Variants in GAB2 observed in about 807,000 individuals in gnomAD.
GAB2 encodes GRB2-associated-binding protein 2.
GAB2 carries 26 observed loss-of-function variants against 65.5 expected under a neutral mutation model. The ratio of observed to expected loss-of-function variants is 0.40; its 90% confidence interval spans 0.29 to 0.55. GAB2 has a LOEUF of 0.55. Among genes scored for constraint, GAB2 ranks in the 20% least tolerant of loss-of-function variants. The pLI, the probability that GAB2 is intolerant of heterozygous loss-of-function variation, is 0.53. For missense variants in GAB2, 884 were observed against 875.8 expected (o/e 1.01, Z -0.12); for synonymous variants, 321 against 329.6 (o/e 0.97, Z 0.28).
intron 1 of GAB2, among the ~76,000 whole-genome samples, chr11:78,368,803 A>T (rs963436214): frequency 2.0e-5 from 3 of 152,058 alleles, no homozygotes; most frequent in Non-Finnish European, 4.4e-5. Flanking sequence ...AAGTCCAGGC[A>T]TGGCGGCTCA....
intron 1 of GAB2, among the ~76,000 whole-genome samples, chr11:78,357,435 G>T (rs1467399078): frequency 1.3e-5 from 2 of 152,148 alleles, no homozygotes; most frequent in African/African-American, 4.8e-5. Flanking sequence ...AAACTAAAGA[G>T]CTTCTGTACA....
intron 1 of GAB2, among the ~76,000 whole-genome samples, chr11:78,345,574 G>C (rs1414414295): frequency 1.3e-5 from 2 of 152,188 alleles, no homozygotes; most frequent in African/African-American, 4.8e-5. Context: ...AAGGCTACCT[G>C]AATAATTTAG....
intron 1 of GAB2, among the ~76,000 whole-genome samples, chr11:78,408,110 G>A (rs1486134115): frequency 2.0e-5 from 3 of 152,094 alleles, no homozygotes; most frequent in Non-Finnish European, 4.4e-5. Flanking sequence ...AAAGAAGAAA[G>A]CACATAGTAA....
intron 1 of GAB2, among the ~76,000 whole-genome samples, chr11:78,401,740 T>C (rs1249594003): frequency 6.6e-6 from 1 of 152,194 alleles, no homozygotes; most frequent in African/African-American, 2.4e-5. Flanking sequence ...ATATCACATT[T>C]TGTTTATTCA....
At chr11:78,255,831 T>G (rs1161891841) in intron 2 of GAB2, among the ~76,000 whole-genome samples, 1 of 152,218 alleles carries the variant, frequency 6.6e-6, no homozygotes, top group Admixed American at 6.5e-5. Context: ...TAATTAAAGT[T>G]TTCAAATATA....
In GAB2 at chr11:78,360,638, G is replaced by T. The variant is rs187691353; in HGVS notation, c.75+57008C>A. 1.9e-4 allele frequency among the ~76,000 whole-genome samples: 29 copies of T among 151,984 alleles called. No homozygotes were observed. The East Asian group carries it at 5.6e-3, about 29-fold the overall frequency. On this transcript the variant is annotated intron_variant, in intron 1 of 9. Transcript: ENST00000361507. ...TTTGGGAGGCTGAGGCAGGTGGATC[G>T]CCTGAGGTCAGGAGTTTGAGACCAG... is the stretch of plus-strand genomic sequence containing the variant.
chr11:78,342,404 CTTTTTT>C (rs143105179), intron 1 of GAB2, among the ~76,000 whole-genome samples: 3 of 109,878 alleles, frequency 2.7e-5, no homozygotes, highest in African/African-American at 3.7e-5. Context: ...ACACTTTGCA[CTTTTTT>C]TTTTTTTTTT....
chr11:78,282,604 C>G (rs1050887918), intron 1 of GAB2, among the ~76,000 whole-genome samples: 2 of 152,066 alleles, frequency 1.3e-5, no homozygotes, highest in Non-Finnish European at 2.9e-5. Context: ...CCACTGTGTA[C>G]GCCCGGCACT....
intron 1 of GAB2, among the ~76,000 whole-genome samples, chr11:78,331,726 A>G (rs1326189896): frequency 4.0e-5 from 6 of 151,838 alleles, no homozygotes; most frequent in Non-Finnish European, 8.8e-5. Context: ...GGGCCTAGAA[A>G]GGGATTACAG....
intron 8 of GAB2, among the ~76,000 whole-genome samples, chr11:78,220,886 A>G (rs906743707): frequency 6.6e-6 from 1 of 152,134 alleles, no homozygotes; most frequent in Non-Finnish European, 1.5e-5. Flanking sequence ...TATGCACTGG[A>G]AAGTTTTCTT....
rs146485168 is a variant in GAB2 at position 78,342,074 on chromosome 11, C to T, written c.76-61173G>A. 3.6e-3 allele frequency among the ~76,000 whole-genome samples: 547 copies of T among 152,312 alleles called. 4 individuals carry two copies. The highest frequency in any genetic ancestry group is 0.012 in the African/African-American group (493 of 41,560). ...TTTATCTCCACCTCCCCTATTGATGCACAGCAGAAATAAATATAAGGATCA... is the reference window on the plus strand; with the variant it reads ...TTTATCTCCACCTCCCCTATTGATGTACAGCAGAAATAAATATAAGGATCA... On this transcript the variant is annotated intron_variant, in intron 1 of 9. Coordinates refer to ENST00000361507, the MANE Select transcript of GAB2 (RefSeq NM_080491.3).
chr11:78,317,601 TTTATG>T (rs1855636584), intron 1 of GAB2, among the ~76,000 whole-genome samples: 5 of 149,994 alleles, frequency 3.3e-5, no homozygotes, highest in Admixed American at 2.7e-4. Flanking sequence ...GATGGTAAAC[TTTATG>T]TTATGTGTAT....
intron 1 of GAB2, among the ~76,000 whole-genome samples, chr11:78,405,757 A>C (rs1857035534): frequency 6.6e-6 from 1 of 152,290 alleles, no homozygotes; most frequent in East Asian, 1.9e-4. Context: ...CACAGTGATA[A>C]ATTCCATGAG....
At chr11:78,288,396 A>AAAAAAAAG (rs1554983795) in intron 1 of GAB2, among the ~76,000 whole-genome samples, 1 of 149,780 alleles carries the variant, frequency 6.7e-6, no homozygotes, top group African/African-American at 2.5e-5. Flanking sequence ...AAAAAAAAAA[A>AAAAAAAAG]AAGAAGAAGA....
chr11:78,271,853 C>T (rs1356010202), intron 2 of GAB2, among the ~76,000 whole-genome samples: 1 of 152,166 alleles, frequency 6.6e-6, no homozygotes, highest in African/African-American at 2.4e-5. Context: ...TGAATTCCCA[C>T]GTGTTGTGGG....
chr11:78,250,835 T>C (rs965806336), intron 2 of GAB2, among the ~76,000 whole-genome samples: 2 of 152,124 alleles, frequency 1.3e-5, no homozygotes, highest in Non-Finnish European at 2.9e-5. Context: ...TTATCCCAAG[T>C]GAATTAATGC....
intron 1 of GAB2, among the ~76,000 whole-genome samples, chr11:78,297,012 C>A (rs2134617389): frequency 6.6e-6 from 1 of 152,314 alleles, no homozygotes; most frequent in Middle Eastern, 3.4e-3. Flanking sequence ...GCCCCACCTC[C>A]TAATACCAAC....
chr11:78,238,379 TCAGCTACTTGGGAGGCTGAGGG>T, intron 3 of GAB2, among the ~76,000 whole-genome samples: 1 of 151,624 alleles, frequency 6.6e-6, no homozygotes, highest in East Asian at 1.9e-4. Context: ...GCCTGTAGTC[TCAGCTACTTGGGAGGCTGAGGG>T]CAGGAGGATC....
intron 1 of GAB2, among the ~76,000 whole-genome samples, chr11:78,376,072 T>C (rs1357277198): frequency 6.6e-6 from 1 of 152,100 alleles, no homozygotes; most frequent in Non-Finnish European, 1.5e-5. Context: ...AGAGGGGAAA[T>C]ATGGGGGAAA....
Sources: gnomAD v4.1 joint callset for allele counts (sites outside exome capture counted in the v4.1 genomes callset) on GRCh38, gnomAD v4.1.1 for gene constraint, MANE v1.5 for transcripts, NCBI Gene and HGNC (gene_info 2026-07-23, HGNC 2026-07-21) for gene names.